KCNMA1: variants seen among roughly 807,000 people sequenced by gnomAD.
KCNMA1 encodes Calcium-activated potassium channel subunit alpha-1.
KCNMA1 carries 29 observed loss-of-function variants against 140.0 expected under a neutral mutation model. That is an observed-to-expected ratio of 0.21 (90% CI 0.15 to 0.28). The LOEUF (loss-of-function observed/expected upper bound fraction) is 0.28, where lower values mean the gene tolerates loss of function less well. Ranked by LOEUF, KCNMA1 falls within the 10% of genes least tolerant of loss-of-function variation. The probability of loss-of-function intolerance (pLI) is 1.00; values close to 1 mark genes in which losing one functional copy is unlikely to be tolerated. For missense variants in KCNMA1, 880 were observed against 1,602.2 expected, an observed-to-expected ratio of 0.55 and a Z score of 7.70; for synonymous variants, 612 against 611.9, an observed-to-expected ratio of 1.00 and a Z score of 0.00.
At chr10:77,346,592 A>G (rs1443651344) in intron 2 of KCNMA1, among the ~76,000 whole-genome samples, 1 of 152,166 alleles carries the variant, frequency 6.6e-6, no homozygotes. Flanking sequence ...CAGCTAGAAG[A>G]CTTGCTGGGT....
At chr10:77,529,670 G>A (rs952788132) in intron 1 of KCNMA1, among the ~76,000 whole-genome samples, 2 of 151,842 alleles carry the variant, frequency 1.3e-5, no homozygotes, top group Non-Finnish European at 2.9e-5. Flanking sequence ...TATGAAGAAG[G>A]GACTCTCAAT....
intron 2 of KCNMA1, among the ~76,000 whole-genome samples, chr10:77,401,153 A>ATT (rs34524709): frequency 3.3e-3 from 470 of 144,084 alleles, no homozygotes; most frequent in Non-Finnish European, 5.1e-3. Flanking sequence ...TCAAAAATTC[A>ATT]TTTTTTTTTT....
intron 1 of KCNMA1, among the ~76,000 whole-genome samples, chr10:77,596,155 T>C (rs1412845425): frequency 1.3e-5 from 2 of 152,102 alleles, no homozygotes; most frequent in Admixed American, 6.6e-5. Flanking sequence ...TCTCACCCAT[T>C]AGACTGGCAA....
intron 2 of KCNMA1, chr10:77,315,362 C>T (rs1392204319): frequency 2.0e-5 from 3 of 152,208 alleles, no homozygotes; most frequent in Non-Finnish European, 2.9e-5. Flanking sequence ...GAGTCTCGTA[C>T]AGAGCATGCT....
intron 5 of KCNMA1, among the ~76,000 whole-genome samples, chr10:77,146,428 C>T (rs1406166886): frequency 3.9e-5 from 6 of 152,032 alleles, no homozygotes; most frequent in African/African-American, 1.4e-4. Context: ...AAGCTGGGCG[C>T]GGTGGCTCAT....
chr10:77,165,065 C>T (rs138856753), intron 5 of KCNMA1, among the ~76,000 whole-genome samples: 187 of 152,216 alleles, frequency 1.2e-3, no homozygotes, highest in Non-Finnish European at 2.1e-3. Flanking sequence ...TGAAAACTCA[C>T]GATAAAAATA....
At position 76,901,593 on chromosome 10, in the gene KCNMA1, T is replaced by C. The variant is rs368877482; in HGVS notation, c.3147+8373A>G. ...ACATTTATTGAGCACCTACTAATCG[T>C]TGGGCCTTGGTTTAGCCTGAAATTG... On this transcript the variant is annotated intron_variant, in intron 25 of 27. Coordinates refer to ENST00000286628, the MANE Select transcript of KCNMA1 (RefSeq NM_001161352.2). 5.9e-5 allele frequency: 9 copies of C among 152,328 alleles called. 1 individual carries two copies. In the Middle Eastern group the frequency reaches 0.014, roughly 230 times the overall value. The allele number at this position is 152,328 out of a possible 1,614,324, so 9.4% of individuals were successfully genotyped here. A position where few individuals can be genotyped will look rare whatever the true frequency, so the allele number is the denominator to read the frequency against.
intron 1 of KCNMA1, among the ~76,000 whole-genome samples, chr10:77,621,336 C>T (rs2091297928): frequency 1.3e-5 from 2 of 152,142 alleles, no homozygotes; most frequent in Admixed American, 1.3e-4. Flanking sequence ...CACAGAATTC[C>T]CATTCTTTTA....
chr10:77,437,155 G>A (rs2097282581), intron 1 of KCNMA1, among the ~76,000 whole-genome samples: 1 of 152,142 alleles, frequency 6.6e-6, no homozygotes, highest in Admixed American at 6.5e-5. Flanking sequence ...TACCTAGGGT[G>A]GGCCAGGGCT....
chr10:76,883,579 C>T (rs1442431467), downstream of KCNMA1, among the ~76,000 whole-genome samples: 1 of 152,168 alleles, frequency 6.6e-6, no homozygotes, highest in East Asian at 1.9e-4. Flanking sequence ...ATTGTTCACC[C>T]CTTTCAAAGC....
At chr10:77,017,576 C>A (rs1011117784) in intron 17 of KCNMA1, among the ~76,000 whole-genome samples, 8 of 152,164 alleles carry the variant, frequency 5.3e-5, no homozygotes, top group Non-Finnish European at 1.0e-4. Context: ...TTTAAGAATT[C>A]TTTTTCCTTC....
At chr10:77,071,928 G>A (rs1194222727) in intron 14 of KCNMA1, among the ~76,000 whole-genome samples, 1 of 152,154 alleles carries the variant, frequency 6.6e-6, no homozygotes, top group Non-Finnish European at 1.5e-5. Flanking sequence ...GGTGCCCAAG[G>A]TGAGCACCAA....
At chr10:76,977,846 C>G in intron 19 of KCNMA1, 1 of 543,090 alleles carries the variant, frequency 1.8e-6, no homozygotes, top group Middle Eastern at 4.7e-4. Flanking sequence ...TTAGATTCAT[C>G]CACCCAGTAC....
intron 23 of KCNMA1, among the ~76,000 whole-genome samples, chr10:76,920,522 A>G (rs992275546): frequency 1.3e-5 from 2 of 152,138 alleles, no homozygotes; most frequent in Non-Finnish European, 2.9e-5. Flanking sequence ...CCACCACGCC[A>G]TATTGCTTCT....
At chr10:77,019,319 C>T (rs1286623181) in intron 16 of KCNMA1, 3 of 553,406 alleles carry the variant, frequency 5.4e-6, no homozygotes, top group Non-Finnish European at 9.7e-6. Context: ...CTGGCATGCT[C>T]CCAGTTGAGG....
At chr10:77,025,318 G>T in intron 16 of KCNMA1, 1 of 449,504 alleles carries the variant, frequency 2.2e-6, no homozygotes, top group Non-Finnish European at 4.0e-6. Flanking sequence ...CACCAGACAA[G>T]GGAATGAGAT....
At chr10:77,424,206 G>C (rs1555321130) in intron 1 of KCNMA1, among the ~76,000 whole-genome samples, 1 of 152,234 alleles carries the variant, frequency 6.6e-6, no homozygotes, top group Non-Finnish European at 1.5e-5. Context: ...ATAATTATAA[G>C]TGCTTTGCAG....
intron 2 of KCNMA1, among the ~76,000 whole-genome samples, chr10:77,287,972 G>A (rs1281448142): frequency 6.6e-6 from 1 of 152,234 alleles, no homozygotes; most frequent in Non-Finnish European, 1.5e-5. Flanking sequence ...ACCCAGATGG[G>A]CTGGCAGAGG....
At chr10:76,902,654 C>T (rs957006594) in intron 25 of KCNMA1, 1 of 152,208 alleles carries the variant, frequency 6.6e-6, no homozygotes, top group Non-Finnish European at 1.5e-5. Flanking sequence ...CTGATTAAGG[C>T]AACGTGGCCC....
Sources: gnomAD v4.1 joint callset for allele counts (sites outside exome capture counted in the v4.1 genomes callset) on GRCh38, gnomAD v4.1.1 for gene constraint, MANE v1.5 for transcripts, NCBI Gene and HGNC (gene_info 2026-07-23, HGNC 2026-07-21) for gene names.